The following OPCML variants were observed in gnomAD, a reference collection of about 807,000 sequenced individuals.
OPCML encodes the protein opioid binding protein/cell adhesion molecule like.
A neutral mutation model predicts 37.8 loss-of-function variants in OPCML; 13 were observed. The ratio of observed to expected loss-of-function variants is 0.34; its 90% CI spans 0.22 to 0.55. The LOEUF (loss-of-function observed/expected upper bound fraction) is 0.55, where lower values mean the gene tolerates loss of function less well. Ranked by LOEUF, OPCML falls within the 20% of genes least tolerant of loss-of-function variation. The pLI is 0.91. For synonymous variants in OPCML, 176 were observed against 168.8 expected (o/e 1.04, Z -0.33); for missense variants, 341 against 435.6 (o/e 0.78, Z 1.93).
intron 1 of OPCML, among the ~76,000 whole-genome samples, chr11:133,406,439 T>G (rs1392843331): frequency 6.6e-6 from 1 of 152,234 alleles, no homozygotes; most frequent in Non-Finnish European, 1.5e-5. Flanking sequence ...TAAGCTGTAG[T>G]TTTTTTCAGA....
chr11:132,704,437 G>A (rs552452233), intron 2 of OPCML, among the ~76,000 whole-genome samples: 95 of 152,316 alleles, frequency 6.2e-4, no homozygotes, highest in Admixed American at 1.1e-3. Flanking sequence ...TAGCAGTAAG[G>A]CAGGTCTAGA....
chr11:133,432,875 G>C (rs887978195), intron 1 of OPCML, among the ~76,000 whole-genome samples: 3 of 152,036 alleles, frequency 2.0e-5, no homozygotes, highest in African/African-American at 7.2e-5. Context: ...AGTTGTTTGA[G>C]CCTAACTACT....
At position 132,964,289 on chromosome 11, in the gene OPCML, C is replaced by A. The variant is rs1946163599; in HGVS notation, c.62-21279G>T. On this transcript the variant is annotated intron_variant, in intron 1 of 7. Coordinates refer to ENST00000524381, the MANE Select transcript of OPCML (RefSeq NM_001012393.5). ...GAAGAGAGAATCTCCAGTTACAAGC[C>A]TGGTGTGCAGTCTTCATGATACTGC... Among the ~76,000 whole-genome samples, 3 of 152,208 alleles carry A rather than the reference C, an allele frequency of 2.0e-5. No homozygotes were observed. In the South Asian group the frequency reaches 6.2e-4, roughly 32 times the overall value.
At chr11:133,051,068 C>CAA (rs1434547059) in intron 1 of OPCML, among the ~76,000 whole-genome samples, 1 of 151,600 alleles carries the variant, frequency 6.6e-6, no homozygotes, top group African/African-American at 2.4e-5. Flanking sequence ...TACACACACA[C>CAA]ACACACACAC....
At chr11:133,058,980 G>A (rs934155881) in intron 1 of OPCML, among the ~76,000 whole-genome samples, 2 of 152,186 alleles carry the variant, frequency 1.3e-5, no homozygotes, top group Admixed American at 1.3e-4. Context: ...AGAATTCCAG[G>A]GAAACTTTGC....
chr11:133,019,225 A>G (rs1173106070), intron 1 of OPCML, among the ~76,000 whole-genome samples: 1 of 152,210 alleles, frequency 6.6e-6, no homozygotes, highest in Non-Finnish European at 1.5e-5. Context: ...ACAGTGACAT[A>G]AAGCTGCAGA....
At chr11:132,485,340 A>C (rs1004610269) in intron 4 of OPCML, among the ~76,000 whole-genome samples, 3 of 152,190 alleles carry the variant, frequency 2.0e-5, no homozygotes, top group Non-Finnish European at 4.4e-5. Flanking sequence ...GGGGGTTCCA[A>C]TTCACGGTTC....
chr11:133,213,689 T>C (rs916895566), intron 1 of OPCML, among the ~76,000 whole-genome samples: 2 of 152,154 alleles, frequency 1.3e-5, no homozygotes, highest in African/African-American at 2.4e-5. Flanking sequence ...CTGATACAAA[T>C]GGTGTTAACT....
intron 3 of OPCML, among the ~76,000 whole-genome samples, chr11:132,547,688 G>C (rs78657737): frequency 0.099 from 15,022 of 152,110 alleles, 1,453 homozygotes; most frequent in East Asian, 0.46. Flanking sequence ...CCTTAAATTA[G>C]GTATCTCCTA....
intron 1 of OPCML, chr11:133,422,073 C>G: frequency 2.2e-6 from 2 of 924,808 alleles, no homozygotes; most frequent in South Asian, 5.0e-5. Flanking sequence ...ACCCATCCAC[C>G]CGTCATCTAC....
chr11:132,576,909 C>T (rs548471895), intron 3 of OPCML, among the ~76,000 whole-genome samples: 1 of 152,284 alleles, frequency 6.6e-6, no homozygotes, highest in East Asian at 1.9e-4. Context: ...CACGTCCACT[C>T]TCTCCCAGGC....
At chr11:132,919,798 G>A (rs1372099998) in intron 2 of OPCML, among the ~76,000 whole-genome samples, 1 of 152,210 alleles carries the variant, frequency 6.6e-6, no homozygotes, top group Non-Finnish European at 1.5e-5. Context: ...AAAAATGCCT[G>A]AACCAGGACA....
rs552513395 is a variant in OPCML, at chr11:133,387,031, C to T, written c.61+145233G>A. ...TATAGGTCAGTCAGGGAGACAGCTGCCCCCAACTCCGGTATTTTGGCCCTC... is the reference window on the plus strand; with the variant it reads ...TATAGGTCAGTCAGGGAGACAGCTGTCCCCAACTCCGGTATTTTGGCCCTC... On this transcript the variant is annotated intron_variant, in intron 1 of 7. Transcript: ENST00000524381. 8.5e-5 allele frequency among the ~76,000 whole-genome samples: 13 copies of T among 152,308 alleles called. No individual in the cohort carries two copies. In the East Asian group the frequency reaches 1.9e-3, roughly 23 times the overall value.
intron 1 of OPCML, among the ~76,000 whole-genome samples, chr11:133,154,833 A>C (rs957070827): frequency 1.3e-5 from 2 of 152,236 alleles, no homozygotes; most frequent in Non-Finnish European, 2.9e-5. Flanking sequence ...TGAGCTTTGC[A>C]AAGATGAGAA....
At chr11:133,377,760 T>G (rs1344159921) in intron 1 of OPCML, among the ~76,000 whole-genome samples, 3 of 152,158 alleles carry the variant, frequency 2.0e-5, no homozygotes, top group African/African-American at 7.2e-5. Context: ...GTTCATTTAT[T>G]TCATTCTCCT....
At chr11:132,508,828 C>CTTTTT (rs1464737252) in intron 4 of OPCML, among the ~76,000 whole-genome samples, 5 of 152,076 alleles carry the variant, frequency 3.3e-5, no homozygotes, top group Non-Finnish European at 7.4e-5. Flanking sequence ...TTGGGTATGT[C>CTTTTT]TTTATCAGCA....
intron 2 of OPCML, among the ~76,000 whole-genome samples, chr11:132,836,959 T>C (rs1414990420): frequency 1.3e-5 from 2 of 152,068 alleles, no homozygotes; most frequent in Non-Finnish European, 2.9e-5. Flanking sequence ...GAAAATCAAG[T>C]GAACGATCAC....
chr11:132,799,244 T>A (rs1373187912), intron 2 of OPCML, among the ~76,000 whole-genome samples: 1 of 152,220 alleles, frequency 6.6e-6, no homozygotes, highest in Admixed American at 6.5e-5. Context: ...CAGCCGCCTT[T>A]ACCAGTGATC....
chr11:132,819,480 A>C (rs1239235409), intron 2 of OPCML, among the ~76,000 whole-genome samples: 1 of 152,210 alleles, frequency 6.6e-6, no homozygotes, highest in Non-Finnish European at 1.5e-5. Context: ...AAAAGACACA[A>C]TATCTGAAAT....
Sources: gnomAD v4.1 joint callset for allele counts (sites outside exome capture counted in the v4.1 genomes callset) on GRCh38, gnomAD v4.1.1 for gene constraint, MANE v1.5 for transcripts, NCBI Gene and HGNC (gene_info 2026-07-23, HGNC 2026-07-21) for gene names.